PLSCR5: variants seen among roughly 807,000 people sequenced by gnomAD.
The protein encoded by PLSCR5 is phospholipid scramblase family, member 5.
PLSCR5 carries 44 observed loss-of-function variants against 33.6 expected under a neutral mutation model. The ratio of observed to expected loss-of-function variants is 1.31; its 90% CI spans 1.03 to 1.69. PLSCR5 has a LOEUF of 1.69. PLSCR5 is among the 40% of genes most tolerant of loss of function. The probability of loss-of-function intolerance (pLI) is 0.00; values close to 1 mark genes in which losing one functional copy is unlikely to be tolerated. For missense variants in PLSCR5, 375 were observed against 318.7 expected (o/e 1.18, Z -1.34); for synonymous variants, 148 against 112.3 (o/e 1.32, Z -2.01).
chr3:146,586,854 T>C (rs894436167), intron 6 of PLSCR5, among the ~76,000 whole-genome samples: 2 of 152,178 alleles, frequency 1.3e-5, no homozygotes, highest in African/African-American at 4.8e-5. Flanking sequence ...AAAACATAAT[T>C]CTTTCTATAA....
Position 146,595,080 on chromosome 3 carries a change from C to T in PLSCR5, c.193G>A (p.Asp65Asn), listed in dbSNP as rs757385415. The change falls in exon 3 of 8, where the codon GAC (aspartate) becomes AAC (asparagine). Residue 65 changes from aspartate (D) to asparagine (N), a missense_variant. Transcript: ENST00000443512. ...ACCTGCTGGTGTATAATTATCAGGTCTAACTGTAAAGGATGACATAAAAGG... is the reference window on the plus strand; with the variant it reads ...ACCTGCTGGTGTATAATTATCAGGTTTAACTGTAAAGGATGACATAAAAGG... ...PPGLEYLSQL[D>N]LIIIHQQVEL... 7.0e-6 allele frequency: 10 copies of T among 1,418,600 alleles called. No homozygotes were observed. Among genetic ancestry groups the T allele is most frequent in the Admixed American group, 4.7e-5 (2 of 42,528 alleles). 87.9% of individuals were successfully genotyped at this position (1,418,600 alleles called of 1,614,324 possible).
chr3:146,597,759 C>T lies in PLSCR5; in HGVS notation c.189+2529G>A, dbSNP rs561085541. Among the ~76,000 whole-genome samples the T allele has an allele frequency of 2.0e-5, 3 of 152,194 alleles. No homozygotes were observed. In the South Asian group the frequency reaches 6.2e-4, roughly 32 times the overall value. On this transcript the variant is annotated intron_variant, in intron 2 of 7. Coordinates refer to ENST00000443512, the MANE Select transcript of PLSCR5 (RefSeq NM_001085420.2). ...AGGTGTCATGGCAAGTAAAACTTAA[C>T]TCCTTAAGTATGAAAGCTGTAGAAA... is the stretch of plus-strand genomic sequence containing the variant.
At chr3:146,601,269 G>T (rs1290923189) in intron 1 of PLSCR5, among the ~76,000 whole-genome samples, 2 of 151,974 alleles carry the variant, frequency 1.3e-5, no homozygotes, top group Non-Finnish European at 1.5e-5. Flanking sequence ...ATATGCAAAA[G>T]TCGTTTTGTT....
At chr3:146,601,919 A>C (rs2044819398) in intron 1 of PLSCR5, among the ~76,000 whole-genome samples, 1 of 152,146 alleles carries the variant, frequency 6.6e-6, no homozygotes, top group Non-Finnish European at 1.5e-5. Context: ...TCATGAAGTA[A>C]ATTCATTCAT....
rs2044718810 is a variant in PLSCR5, at chr3:146,591,859, C to T, written c.476G>A (p.Gly159Asp). The change falls in exon 5 of 8, where the codon GGT becomes GAT. Residue 159 changes from glycine (G) to aspartate (D), a missense_variant. Physicochemically the swap from Gly to Asp is moderately conservative, Grantham distance 94. Transcript: ENST00000443512. Reference protein sequence around the residue: ...LQELEIQAPPGTIVGYVTQKW... With the variant: ...LQELEIQAPPDTIVGYVTQKW... ...CTGCGTAACGTAACCAACTATAGTA[C>T]CAGGAGGGGCTTGGATTTCTAACTG... 6.2e-7 allele frequency: 1 copy of T among 1,606,564 alleles called. No individual in the cohort carries two copies. Among genetic ancestry groups the T allele is most frequent in the African/African-American group, 1.3e-5 (1 of 74,602 alleles).
chr3:146,584,698 AGAAGC>A (rs2044655185), downstream of PLSCR5, among the ~76,000 whole-genome samples: 1 of 152,084 alleles, frequency 6.6e-6, no homozygotes, highest in African/African-American at 2.4e-5. Flanking sequence ...TATGGGGGAG[AGAAGC>A]TTTTCATTTT....
chr3:146,602,493 GA>G (rs1461134541), intron 1 of PLSCR5, among the ~76,000 whole-genome samples: 1 of 151,892 alleles, frequency 6.6e-6, no homozygotes, highest in Non-Finnish European at 1.5e-5. Flanking sequence ...GCTAGAAAGA[GA>G]ACATTATAGA....
chr3:146,593,933 C>A lies in PLSCR5; in HGVS notation c.440G>T (p.Cys147Phe), dbSNP rs918930530. The A allele has an allele frequency of 6.2e-7, 1 of 1,613,476 alleles. No homozygotes were observed. The highest frequency in any genetic ancestry group is 1.3e-5 in the African/African-American group (1 of 74,896). The change falls in exon 4 of 8, where the codon TGC (cysteine) becomes TTC (phenylalanine). Residue 147 changes from cysteine (C) to phenylalanine (F), a missense_variant. Transcript: ENST00000443512. ...CCAGTAACTAACCTCTTGTAGGTAGCAAGGGCACCAGCAGCTGTTACATCT... is the reference window on the plus strand; with the variant it reads ...CCAGTAACTAACCTCTTGTAGGTAGAAAGGGCACCAGCAGCTGTTACATCT... ...PLRCNSCWCP[C>F]YLQELEIQAP...
Position 146,595,087 on chromosome 3 carries a change from T to C in PLSCR5, c.190-4A>G, listed in dbSNP as rs947248679. The C allele has an allele frequency of 2.8e-6, 4 of 1,407,656 alleles. No individual in the cohort carries two copies. Among genetic ancestry groups the C allele is most frequent in the Non-Finnish European group, 3.8e-6 (4 of 1,063,102 alleles). 87.2% of individuals were successfully genotyped at this position (1,407,656 alleles called of 1,614,324 possible). The stretch of plus-strand genomic sequence containing the variant: ...GGTGTATAATTATCAGGTCTAACTG[T>C]AAAGGATGACATAAAAGGAAATAAA... On this transcript the variant is annotated splice_region_variant and splice_polypyrimidine_tract_variant and intron_variant, in intron 2 of 7. Coordinates refer to ENST00000443512, the MANE Select transcript of PLSCR5 (RefSeq NM_001085420.2).
chr3:146,597,139 T>C (rs1295515261), intron 2 of PLSCR5, among the ~76,000 whole-genome samples: 2 of 152,220 alleles, frequency 1.3e-5, no homozygotes, highest in African/African-American at 4.8e-5. Flanking sequence ...AATCAAGTTC[T>C]AGTATTGAAA....
intron 4 of PLSCR5, 54 bp downstream of exon 4, chr3:146,593,866 G>T: frequency 6.5e-7 from 1 of 1,528,398 alleles, no homozygotes; most frequent in Admixed American, 1.7e-5. Context: ...TCCTTTTAAA[G>T]AAACAAATGC....
chr3:146,596,071 A>G (rs2044758346), intron 2 of PLSCR5, among the ~76,000 whole-genome samples: 1 of 152,218 alleles, frequency 6.6e-6, no homozygotes, highest in Admixed American at 6.5e-5. Flanking sequence ...TAATTTACAG[A>G]GATAAAGTAT....
At chr3:146,590,077 G>A (rs751715553) in intron 5 of PLSCR5, 6 of 243,140 alleles carry the variant, frequency 2.5e-5, no homozygotes, top group Non-Finnish European at 4.7e-5. Context: ...AGAATATCAG[G>A]ATAAATAATT....
intron 3 of PLSCR5, among the ~76,000 whole-genome samples, chr3:146,594,399 C>T (rs1011885288): frequency 1.3e-5 from 2 of 151,910 alleles, no homozygotes; most frequent in African/African-American, 2.4e-5. Context: ...ATGTAGTGTA[C>T]CTTTTCACTA....
intron 4 of PLSCR5, among the ~76,000 whole-genome samples, chr3:146,592,885 C>T (rs1358976085): frequency 6.6e-6 from 1 of 152,084 alleles, no homozygotes; most frequent in Non-Finnish European, 1.5e-5. Flanking sequence ...TGACTACACT[C>T]TCTTGGGGCA....
chr3:146,591,895 T>A lies in PLSCR5; in HGVS notation c.454-14A>T, dbSNP rs747069940. The A allele has an allele frequency of 6.4e-7, 1 of 1,563,358 alleles. No individual in the cohort carries two copies. Among genetic ancestry groups the A allele is most frequent in the Non-Finnish European group, 8.7e-7 (1 of 1,154,466 alleles). ...TTGGATTTCTAACTGTAAGAAGAGA[T>A]AATGATAAAATAAGATTTTCTTAGG... On this transcript the variant is annotated splice_polypyrimidine_tract_variant and intron_variant, in intron 4 of 7. Coordinates refer to ENST00000443512, the MANE Select transcript of PLSCR5 (RefSeq NM_001085420.2).
At chr3:146,585,345 G>T (rs546677491), downstream of PLSCR5, among the ~76,000 whole-genome samples, 1 of 152,036 alleles carries the variant, frequency 6.6e-6, no homozygotes, top group South Asian at 2.1e-4. Flanking sequence ...GGTCTTAGAG[G>T]TCTATTTATA....
chr3:146,602,159 G>A (rs423266), intron 1 of PLSCR5, among the ~76,000 whole-genome samples: 92,093 of 151,844 alleles, frequency 0.61, 28,120 homozygotes, highest in East Asian at 0.72. Flanking sequence ...ACACATCTGG[G>A]GCAGATACAA....
chr3:146,598,466 A>G (rs1392788763), intron 2 of PLSCR5, among the ~76,000 whole-genome samples: 3 of 152,150 alleles, frequency 2.0e-5, no homozygotes, highest in Non-Finnish European at 2.9e-5. Flanking sequence ...TTGGTGGCAT[A>G]TTTTTCTTTT....
Sources: gnomAD v4.1 joint callset for allele counts (sites outside exome capture counted in the v4.1 genomes callset) on GRCh38, gnomAD v4.1.1 for gene constraint, MANE v1.5 for transcripts, NCBI Gene and HGNC (gene_info 2026-07-23, HGNC 2026-07-21) for gene names.